TEX11: variants seen among roughly 807,000 people sequenced by gnomAD.
TEX11 encodes the protein testis expressed 11.
A neutral mutation model predicts 84.4 loss-of-function variants in TEX11; 7 were observed. That is an observed-to-expected ratio of 0.08 (90% CI 0.05 to 0.16). The LOEUF (loss-of-function observed/expected upper bound fraction) is 0.16. Ranked by LOEUF, TEX11 falls within the 10% of genes least tolerant of loss-of-function variation. The probability of loss-of-function intolerance (pLI) is 1.00; values close to 1 mark genes in which losing one functional copy is unlikely to be tolerated. For missense variants in TEX11, 551 were observed against 660.5 expected (o/e 0.83, Z 1.82); for synonymous variants, 264 against 222.8 (o/e 1.18, Z -1.64).
chrX:70,733,565 C>G (rs2090671646), intron 11 of TEX11, among the ~76,000 whole-genome samples: 2 of 111,892 alleles, frequency 1.8e-5, no homozygotes, highest in South Asian at 7.5e-4. Flanking sequence ...TGCTCATCAT[C>G]ATTGGCCATC....
chrX:70,792,546 A>G (rs2147796703), intron 9 of TEX11, among the ~76,000 whole-genome samples: 1 of 105,672 alleles, frequency 9.5e-6, no homozygotes, highest in South Asian at 4.3e-4. Flanking sequence ...GACTAAAACC[A>G]TAGCAAAACT....
chrX:70,554,542 G>A (rs1303516164), intron 26 of TEX11, 109 bp downstream of exon 26: 1 of 767,473 alleles, frequency 1.3e-6, no homozygotes, highest in Non-Finnish European at 1.8e-6. Context: ...AGTGCTATGA[G>A]AAAAAATTAT....
intron 25 of TEX11, among the ~76,000 whole-genome samples, chrX:70,589,368 A>G (rs1406911860): frequency 9.1e-6 from 1 of 110,192 alleles, no homozygotes; most frequent in Admixed American, 9.8e-5. Context: ...CTGTGTGTAT[A>G]AAAATATACT....
chrX:70,730,212 T>C (rs1042778303), intron 11 of TEX11, among the ~76,000 whole-genome samples: 1 of 111,523 alleles, frequency 9.0e-6, no homozygotes, highest in Non-Finnish European at 1.9e-5. Context: ...ACATGCCAAA[T>C]TGTAAAGACC....
chrX:70,836,411 A>C (rs1462743405), intron 7 of TEX11, among the ~76,000 whole-genome samples: 3 of 111,869 alleles, frequency 2.7e-5, no homozygotes, highest in Non-Finnish European at 5.6e-5. Flanking sequence ...ATATTCGCGA[A>C]TATTTATCTG....
chrX:70,601,492 G>A (rs1459084834), intron 24 of TEX11, among the ~76,000 whole-genome samples: 2 of 99,433 alleles, frequency 2.0e-5, no homozygotes, highest in Non-Finnish European at 4.0e-5. Context: ...AATAGAAAAA[G>A]AGGGAATCCT....
chrX:70,517,891 T>G, the TEX11 span, among the ~76,000 whole-genome samples: 138 of 111,691 alleles, frequency 1.2e-3, no homozygotes, highest in Admixed American at 3.9e-3. Flanking sequence ...TCTTCTAGAT[T>G]TTCTAGTTTA....
At chrX:70,576,320 C>T (rs1414708988) in intron 25 of TEX11, among the ~76,000 whole-genome samples, 4 of 111,942 alleles carry the variant, frequency 3.6e-5, no homozygotes, top group Non-Finnish European at 7.5e-5. Context: ...CAGTTGGTAG[C>T]TTAATGATTT....
At chrX:70,599,922 T>A (rs1181598881) in intron 24 of TEX11, among the ~76,000 whole-genome samples, 2 of 108,498 alleles carry the variant, frequency 1.8e-5, no homozygotes, top group Non-Finnish European at 3.8e-5. Context: ...TCTATCATTG[T>A]TGGACATTTG....
chrX:70,791,986 A>G (rs1387314183), intron 9 of TEX11, among the ~76,000 whole-genome samples: 3 of 107,542 alleles, frequency 2.8e-5, no homozygotes, highest in African/African-American at 1.0e-4. Flanking sequence ...TTAGCCGGGC[A>G]TGGTGGCACA....
At chrX:70,521,869 T>G in the TEX11 span, among the ~76,000 whole-genome samples, 1 of 110,967 alleles carries the variant, frequency 9.0e-6, no homozygotes, top group Non-Finnish European at 1.9e-5. Context: ...TAAAATTTTT[T>G]TTTTTTTGAG....
intron 13 of TEX11, among the ~76,000 whole-genome samples, chrX:70,693,282 T>G (rs1603223985): frequency 9.0e-6 from 1 of 111,665 alleles, no homozygotes; most frequent in African/African-American, 3.3e-5. Flanking sequence ...TTGCCAACAC[T>G]TGTTATCTTT....
At position 70,549,517 on chromosome X, in the gene TEX11, C is replaced by T. The variant is rs778340470; in HGVS notation, c.2520+2609G>A. On this transcript the variant is annotated intron_variant, in intron 28 of 29. Transcript: ENST00000374333. ...CTTGGATGGCATTTCTGTACCTGTC[C>T]TGGGCCAGAGAGGAGCCCACTTCTC... 7.0e-4 allele frequency among the ~76,000 whole-genome samples: 78 copies of T among 111,505 alleles called. 1 individual carries two copies. The highest frequency in any genetic ancestry group is 4.2e-3 in the Admixed American group (44 of 10,550).
chrX:70,861,177 T>G (rs1224657700), intron 4 of TEX11, among the ~76,000 whole-genome samples: 4 of 99,300 alleles, frequency 4.0e-5, no homozygotes, highest in African/African-American at 1.5e-4. Context: ...TTCTCCTGCC[T>G]CAGCCTCCCA....
chrX:70,757,089 G>A (rs5936979), intron 9 of TEX11, among the ~76,000 whole-genome samples: 44,315 of 110,742 alleles, frequency 0.4, 7,278 homozygotes, highest in East Asian at 0.55. Flanking sequence ...GAAAAGAAAC[G>A]GACAAATTCT....
At chrX:70,590,746 G>GTATT (rs2088917864) in intron 25 of TEX11, among the ~76,000 whole-genome samples, 1 of 111,499 alleles carries the variant, frequency 9.0e-6, no homozygotes, top group African/African-American at 3.2e-5. Flanking sequence ...GTGTATTTAT[G>GTATT]TATTTATTTA....
chrX:70,670,256 T>G, intron 16 of TEX11, 121 bp downstream of exon 16: 1 of 744,945 alleles, frequency 1.3e-6, no homozygotes, highest in Non-Finnish European at 1.9e-6. Flanking sequence ...GACCTTGTTC[T>G]ATATGAGGGA....
Position 70,859,160 on chromosome X carries a change from A to G in TEX11, c.324+1697T>C, listed in dbSNP as rs2091554563. On this transcript the variant is annotated intron_variant, in intron 5 of 29. Coordinates refer to ENST00000374333, the MANE Select transcript of TEX11 (RefSeq NM_031276.3). ...CTCTAACTGAGTGATGGGTAAATGG[A>G]GGGAATCATTGTACTGTCTTACCTT... Among the ~76,000 whole-genome samples, 5 of 111,284 alleles carry G rather than the reference A, an allele frequency of 4.5e-5. No homozygotes were observed. The Admixed American group carries it at 4.8e-4, about 11-fold the overall frequency.
rs1408973590 is a variant in TEX11 at position 70,895,527 on chromosome X, A to G, written c.37+12226T>C. Among the ~76,000 whole-genome samples the G allele has an allele frequency of 4.5e-5, 5 of 111,896 alleles. No individual in the cohort carries two copies. In the South Asian group the frequency reaches 1.9e-3, roughly 42 times the overall value. On this transcript the variant is annotated intron_variant, in intron 2 of 29. Transcript: ENST00000374333. ...TGCAGAATTAGAAAAACTACTTTAA[A>G]TTTCATATGGAACCAAAAAAGAGCC... is the stretch of plus-strand genomic sequence containing the variant.
Sources: gnomAD v4.1 joint callset for allele counts (sites outside exome capture counted in the v4.1 genomes callset) on GRCh38, gnomAD v4.1.1 for gene constraint, MANE v1.5 for transcripts, NCBI Gene and HGNC (gene_info 2026-07-23, HGNC 2026-07-21) for gene names.